The following RNGTT variants were observed in gnomAD, a reference collection of about 807,000 sequenced individuals.
The protein encoded by RNGTT is RNA guanylyltransferase and 5'-phosphatase, also known as mRNA-capping enzyme.
In RNGTT, 33 loss-of-function variants were observed where a neutral mutation model predicts 79.3. That is an observed-to-expected ratio of 0.42 (90% CI 0.32 to 0.56). The LOEUF (loss-of-function observed/expected upper bound fraction) is 0.56, where lower values mean the gene tolerates loss of function less well. Among genes scored for constraint, RNGTT ranks in the 20% least tolerant of loss-of-function variants. The probability of loss-of-function intolerance (pLI) is 0.17; values close to 1 mark genes in which losing one functional copy is unlikely to be tolerated. For missense variants in RNGTT, 497 were observed against 739.1 expected (o/e 0.67, Z 3.80); for synonymous variants, 222 against 235.9 (o/e 0.94, Z 0.54).
At chr6:88,708,914 T>C (rs1459315224) in intron 13 of RNGTT, among the ~76,000 whole-genome samples, 1 of 152,104 alleles carries the variant, frequency 6.6e-6, no homozygotes, top group East Asian at 1.9e-4. Context: ...AGACCACACA[T>C]TTCACCTCTT....
At chr6:88,915,913 CTG>C (rs1783985431) in intron 4 of RNGTT, among the ~76,000 whole-genome samples, 1 of 152,046 alleles carries the variant, frequency 6.6e-6, no homozygotes, top group South Asian at 2.1e-4. Context: ...TTTTTTAAAA[CTG>C]TTACAGTTCA....
At chr6:88,795,156 G>A (rs193213523) in intron 12 of RNGTT, among the ~76,000 whole-genome samples, 1 of 152,268 alleles carries the variant, frequency 6.6e-6, no homozygotes, top group East Asian at 1.9e-4. Flanking sequence ...GTTTAAAGAG[G>A]TTTAAGATTA....
intron 10 of RNGTT, among the ~76,000 whole-genome samples, chr6:88,846,693 G>A (rs907065116): frequency 3.3e-5 from 5 of 151,842 alleles, no homozygotes; most frequent in Admixed American, 2.6e-4. Flanking sequence ...ACGGGAGGCA[G>A]AGGTTGCTGT....
chr6:88,900,008 C>A (rs965699342), intron 6 of RNGTT, among the ~76,000 whole-genome samples: 4 of 152,052 alleles, frequency 2.6e-5, no homozygotes, highest in Non-Finnish European at 5.9e-5. Context: ...ATATTCTGCT[C>A]CTAATTCTCT....
intron 2 of RNGTT, among the ~76,000 whole-genome samples, chr6:88,939,128 T>C (rs1272194679): frequency 6.6e-6 from 1 of 152,198 alleles, no homozygotes; most frequent in Non-Finnish European, 1.5e-5. Context: ...TCTTTGATCC[T>C]CTTGGATGTC....
At chr6:88,925,594 TA>T (rs35542749) in intron 4 of RNGTT, among the ~76,000 whole-genome samples, 17,386 of 111,748 alleles carry the variant, frequency 0.16, 1,042 homozygotes, top group Middle Eastern at 0.26. Flanking sequence ...CCTTACCTCA[TA>T]AAAAAAAAAA....
chr6:88,923,568 C>A (rs1784228458), intron 4 of RNGTT, among the ~76,000 whole-genome samples: 1 of 152,054 alleles, frequency 6.6e-6, no homozygotes, highest in Non-Finnish European at 1.5e-5. Flanking sequence ...AGCAGAGAAA[C>A]AGACGCAGGG....
chr6:88,873,723 T>C (rs1782426393), intron 8 of RNGTT, among the ~76,000 whole-genome samples: 1 of 152,136 alleles, frequency 6.6e-6, no homozygotes, highest in Non-Finnish European at 1.5e-5. Flanking sequence ...AAATGACTTT[T>C]ATAATGGGGA....
chr6:88,699,413 G>A (rs1057316512), intron 13 of RNGTT, among the ~76,000 whole-genome samples: 11 of 152,138 alleles, frequency 7.2e-5, no homozygotes, highest in Admixed American at 3.9e-4. Flanking sequence ...AATTTTTCAC[G>A]GTGGCTCATG....
At chr6:88,763,576 T>G (rs1778342892) in intron 13 of RNGTT, among the ~76,000 whole-genome samples, 1 of 152,220 alleles carries the variant, frequency 6.6e-6, no homozygotes, top group Non-Finnish European at 1.5e-5. Flanking sequence ...GTGGTCACTC[T>G]GACACTACAC....
chr6:88,636,166 A>G (rs2127771303), intron 14 of RNGTT, among the ~76,000 whole-genome samples: 1 of 152,098 alleles, frequency 6.6e-6, no homozygotes, highest in African/African-American at 2.4e-5. Flanking sequence ...ATGAGCAGGA[A>G]GGCCCACCCC....
intron 13 of RNGTT, among the ~76,000 whole-genome samples, chr6:88,707,197 G>A (rs1262929871): frequency 6.6e-6 from 1 of 151,952 alleles, no homozygotes; most frequent in Non-Finnish European, 1.5e-5. Flanking sequence ...ACAACTAACT[G>A]AAAAGATGAC....
intron 8 of RNGTT, among the ~76,000 whole-genome samples, chr6:88,889,854 G>A (rs1245190543): frequency 6.6e-6 from 1 of 152,096 alleles, no homozygotes; most frequent in African/African-American, 2.4e-5. Context: ...AGCTACTCAG[G>A]AGGCTAAGCT....
chr6:88,695,420 A>G (rs1775628383), intron 13 of RNGTT, among the ~76,000 whole-genome samples: 2 of 152,212 alleles, frequency 1.3e-5, no homozygotes, highest in South Asian at 4.1e-4. Context: ...GTTCAATATC[A>G]CTAAGCATTA....
At chr6:88,950,852 CTG>C (rs1047993722) in intron 1 of RNGTT, among the ~76,000 whole-genome samples, 10 of 144,594 alleles carry the variant, frequency 6.9e-5, no homozygotes, top group Admixed American at 6.6e-4. Context: ...AAATAAATAA[CTG>C]TTTTTGGTTT....
At chr6:88,617,739 TA>T (rs1772285617) in intron 14 of RNGTT, among the ~76,000 whole-genome samples, 1 of 152,164 alleles carries the variant, frequency 6.6e-6, no homozygotes, top group Non-Finnish European at 1.5e-5. Flanking sequence ...GGGATTTTGA[TA>T]GGGGTGGAAT....
rs376340471 is a variant in RNGTT, at chr6:88,791,761, G to C, written c.1338+9803C>G. Among the ~76,000 whole-genome samples, 417 of 152,044 alleles carry C rather than the reference G, an allele frequency of 2.7e-3. 1 individual carries two copies. The highest frequency in any genetic ancestry group is 9.5e-3 in the South Asian group (46 of 4,820). ...TCACCACGTTAGCCAGGATGGTCTC[G>C]ATCTCCTGACCTCGTGATCCGCCCG... On this transcript the variant is annotated intron_variant, in intron 12 of 15. Transcript: ENST00000369485.
intron 6 of RNGTT, among the ~76,000 whole-genome samples, chr6:88,899,942 T>C (rs1263157363): frequency 2.0e-5 from 3 of 152,098 alleles, no homozygotes; most frequent in South Asian, 2.1e-4. Context: ...AGAGCAAAAA[T>C]AGACCACTGC....
At chr6:88,728,789 C>T (rs1322764033) in intron 13 of RNGTT, among the ~76,000 whole-genome samples, 3 of 152,198 alleles carry the variant, frequency 2.0e-5, no homozygotes, top group Non-Finnish European at 2.9e-5. Flanking sequence ...ATTTCTCCTC[C>T]TCTGTCTAAC....
Sources: gnomAD v4.1 joint callset for allele counts (sites outside exome capture counted in the v4.1 genomes callset) on GRCh38, gnomAD v4.1.1 for gene constraint, MANE v1.5 for transcripts, NCBI Gene and HGNC (gene_info 2026-07-23, HGNC 2026-07-21) for gene names.